The following CLIP4 variants were observed in gnomAD, a reference collection of about 807,000 sequenced individuals.
CLIP4 encodes CAP-Gly domain containing linker protein family member 4.
CLIP4 carries 47 observed loss-of-function variants against 73.1 expected under a neutral mutation model. That is an observed-to-expected ratio of 0.64 (90% CI 0.51 to 0.82). The LOEUF (loss-of-function observed/expected upper bound fraction) is 0.82. CLIP4 is among the 40% of genes least tolerant of loss of function. CLIP4 has a pLI of 0.00. For synonymous variants in CLIP4, 306 were observed against 295.4 expected, an observed-to-expected ratio of 1.04 and a Z score of -0.37; for missense variants, 874 against 852.9, an observed-to-expected ratio of 1.02 and a Z score of -0.31.
chr2:29,129,292 A>G lies in CLIP4; in HGVS notation c.134-1966A>G, dbSNP rs188217992. ...ATTGGTTTTTTAAACTAAACCAACA[A>G]TGTTTTTGTTTATTGAAAATTACCC... On this transcript the variant is annotated intron_variant, in intron 2 of 15. Transcript: ENST00000320081. Among the ~76,000 whole-genome samples, 9 of 152,258 alleles carry G rather than the reference A, an allele frequency of 5.9e-5. No homozygotes were observed. In the East Asian group the frequency reaches 1.3e-3, roughly 23 times the overall value.
At chr2:29,164,630 G>A (rs2148066470) in intron 13 of CLIP4, among the ~76,000 whole-genome samples, 1 of 152,186 alleles carries the variant, frequency 6.6e-6, no homozygotes, top group East Asian at 1.9e-4. Context: ...ATGGGAAATG[G>A]GATACTAATC....
Position 29,175,847 on chromosome 2 carries a change from C to T in CLIP4, c.1796+1402C>T, listed in dbSNP as rs532090576. 1.2e-4 allele frequency among the ~76,000 whole-genome samples: 19 copies of T among 152,014 alleles called. No homozygotes were observed. In the South Asian group the frequency reaches 1.3e-3, roughly 10 times the overall value. ...CGTGATCTCGGCTCACTGCAAGCTC[C>T]GCCTCCCGGGTTCACGCCATTCTTC... On this transcript the variant is annotated intron_variant, in intron 15 of 15. Coordinates refer to ENST00000320081, the MANE Select transcript of CLIP4 (RefSeq NM_024692.6).
At chr2:29,151,273 A>T (rs753113689) in intron 8 of CLIP4, among the ~76,000 whole-genome samples, 7 of 152,184 alleles carry the variant, frequency 4.6e-5, no homozygotes, top group Admixed American at 4.6e-4. Flanking sequence ...TTAATTCTAT[A>T]AAGTGGATTA....
intron 8 of CLIP4, among the ~76,000 whole-genome samples, chr2:29,148,125 G>A (rs971661494): frequency 6.6e-6 from 1 of 152,168 alleles, no homozygotes; most frequent in African/African-American, 2.4e-5. Context: ...AAGGCAAGTT[G>A]TGGGGCAGGG....
intron 10 of CLIP4, among the ~76,000 whole-genome samples, chr2:29,156,758 C>A (rs1053123414): frequency 1.3e-5 from 2 of 152,182 alleles, no homozygotes; most frequent in South Asian, 2.1e-4. Context: ...GCTATCAAAT[C>A]ATTAGATGAA....
intron 1 of CLIP4, among the ~76,000 whole-genome samples, chr2:29,119,374 C>A (rs1664097959): frequency 6.6e-6 from 1 of 152,162 alleles, no homozygotes; most frequent in Admixed American, 6.5e-5. Context: ...ATGAAAGGTG[C>A]TCTGGGGATC....
chr2:29,100,501 T>C (rs1209429124), intron 1 of CLIP4, among the ~76,000 whole-genome samples: 1 of 152,038 alleles, frequency 6.6e-6, no homozygotes, highest in Non-Finnish European at 1.5e-5. Flanking sequence ...TTAAGTTTAA[T>C]GCAGTAAGTA....
intron 15 of CLIP4, among the ~76,000 whole-genome samples, chr2:29,176,709 G>T (rs1213937787): frequency 1.3e-5 from 2 of 152,190 alleles, no homozygotes; most frequent in Non-Finnish European, 2.9e-5. Flanking sequence ...CTGCGGATGT[G>T]TACATCCCGC....
intron 8 of CLIP4, among the ~76,000 whole-genome samples, chr2:29,149,133 G>T (rs1572959247): frequency 1.3e-5 from 2 of 152,130 alleles, no homozygotes; most frequent in African/African-American, 4.8e-5. Flanking sequence ...TAGTAAACGG[G>T]CAGCCATAGG....
chr2:29,129,905 A>G (rs1159200359), intron 2 of CLIP4: 1 of 436,862 alleles, frequency 2.3e-6, no homozygotes, highest in Non-Finnish European at 4.9e-6. Flanking sequence ...TCTGATCCAC[A>G]GTGTTTTTGG....
At chr2:29,157,619 C>G (rs904565394) in intron 11 of CLIP4, among the ~76,000 whole-genome samples, 1 of 152,036 alleles carries the variant, frequency 6.6e-6, no homozygotes, top group Admixed American at 6.6e-5. Context: ...TTTGTGTCAT[C>G]TTCATATTTA....
At position 29,182,467 on chromosome 2, in the gene CLIP4, C is replaced by A. The variant is rs77747916; in HGVS notation, c.*574C>A. ...ATGATAATTTTGGAGTTGGAAGGGG[C>A]CTTAGAGGCTCTCCAGCTCTGCTTC... On this transcript the variant is annotated 3_prime_UTR_variant, in exon 16 of 16. Transcript: ENST00000320081. The A allele has an allele frequency of 0.012, 1,877 of 152,438 alleles. 17 individuals are homozygous for A. Among genetic ancestry groups the A allele is most frequent in the Middle Eastern group, 0.037 (11 of 294 alleles). The allele number at this position is 152,438 out of a possible 1,614,324, so 9.4% of individuals were successfully genotyped here.
At chr2:29,103,307 C>T (rs904335511) in intron 1 of CLIP4, among the ~76,000 whole-genome samples, 11 of 152,060 alleles carry the variant, frequency 7.2e-5, no homozygotes, top group Non-Finnish European at 1.3e-4. Flanking sequence ...TTTTACCTGT[C>T]AACCTTATGT....
chr2:29,098,740 G>T (rs1389703990), intron 1 of CLIP4, among the ~76,000 whole-genome samples: 3 of 152,200 alleles, frequency 2.0e-5, no homozygotes. Flanking sequence ...GAGCATGATT[G>T]TTAGATCATA....
intron 11 of CLIP4, among the ~76,000 whole-genome samples, chr2:29,158,422 A>G (rs149208446): frequency 8.7e-4 from 132 of 152,066 alleles, no homozygotes; most frequent in African/African-American, 3.0e-3. Flanking sequence ...CTATATATTT[A>G]CCATTTAAAA....
rs778977081 is a variant in CLIP4 at position 29,131,321 on chromosome 2, C to T, written c.197C>T (p.Ser66Leu). 6.2e-7 allele frequency: 1 copy of T among 1,610,724 alleles called. No homozygotes were observed. Among genetic ancestry groups the T allele is most frequent in the Non-Finnish European group, 8.5e-7 (1 of 1,178,732 alleles). Residue 66 changes from serine to leucine, a missense_variant, in exon 3 of 16, where the codon TCA becomes TTA. By Grantham distance (145) the Ser-to-Leu change is moderately radical. Coordinates refer to ENST00000320081, the MANE Select transcript of CLIP4 (RefSeq NM_024692.6). ...GAAATTCTTTTTGATCCCAAAACTT[C>T]AGTTTCAGAATTATTTGCCATTTTG... ...CQEILFDPKT[S>L]VSELFAILRQ...
At chr2:29,148,199 G>C (rs1040239726) in intron 8 of CLIP4, among the ~76,000 whole-genome samples, 1 of 152,168 alleles carries the variant, frequency 6.6e-6, no homozygotes, top group African/African-American at 2.4e-5. Context: ...CCCAGGTCAC[G>C]GCTAAGCTAC....
In CLIP4 at chr2:29,121,474, C is replaced by A; in HGVS notation, c.86C>A (p.Thr29Asn). 1.2e-6 allele frequency: 2 copies of A among 1,613,706 alleles called. No homozygotes were observed. Among genetic ancestry groups the A allele is most frequent in the Admixed American group, 1.7e-5 (1 of 60,002 alleles). Residue 29 changes from threonine to asparagine, a missense_variant, in exon 2 of 16, where the codon ACC (threonine) becomes AAC (asparagine). By Grantham distance (65) the Thr-to-Asn change is moderately conservative. Coordinates refer to ENST00000320081, the MANE Select transcript of CLIP4 (RefSeq NM_024692.6). Reference protein sequence around the residue: ...RYPFIFSASDTPVIFSISAAP... With the variant: ...RYPFIFSASDNPVIFSISAAP... ...CCATTTATATTTTCTGCTTCTGATA[C>A]CCCAGTTATCTTTTCCATTTCTGCA...
chr2:29,163,670 G>A (rs1410387863), intron 12 of CLIP4, among the ~76,000 whole-genome samples, 161 bp from the exon 13 acceptor site: 5 of 152,050 alleles, frequency 3.3e-5, no homozygotes, highest in African/African-American at 1.2e-4. Context: ...AATTTTCAAA[G>A]TTTACAATTT....
Sources: gnomAD v4.1 joint callset for allele counts (sites outside exome capture counted in the v4.1 genomes callset) on GRCh38, gnomAD v4.1.1 for gene constraint, MANE v1.5 for transcripts, NCBI Gene and HGNC (gene_info 2026-07-23, HGNC 2026-07-21) for gene names.